RHBDL3: variants seen among roughly 807,000 people sequenced by gnomAD.
The protein encoded by RHBDL3 is rhomboid like 3, also known as rhomboid-related protein 3.
A neutral mutation model predicts 48.2 loss-of-function variants in RHBDL3; 28 were observed. The ratio of observed to expected loss-of-function variants is 0.58; its 90% CI spans 0.43 to 0.80. The LOEUF (loss-of-function observed/expected upper bound fraction) is 0.80, where lower values mean the gene tolerates loss of function less well. Ranked by LOEUF, RHBDL3 falls within the 30% of genes least tolerant of loss-of-function variation. The probability of loss-of-function intolerance (pLI) is 0.00; values close to 1 mark genes in which losing one functional copy is unlikely to be tolerated. For synonymous variants in RHBDL3, 208 were observed against 232.3 expected (o/e 0.90, Z 0.95); for missense variants, 464 against 542.7 (o/e 0.85, Z 1.44).
intron 8 of RHBDL3, 143 bp from the exon 9 acceptor site, chr17:32,320,815 G>T (rs2041110200): frequency 1.6e-6 from 1 of 626,708 alleles, no homozygotes; most frequent in African/African-American, 1.8e-5. Flanking sequence ...AGATTTGCCT[G>T]CCTCCTTCAC....
At chr17:32,309,715 G>A (rs2040794973) in intron 7 of RHBDL3, among the ~76,000 whole-genome samples, 1 of 150,594 alleles carries the variant, frequency 6.6e-6, no homozygotes, top group Non-Finnish European at 1.5e-5. Context: ...TGAAAAAATG[G>A]ACAAAATATT....
chr17:32,297,991 G>A, intron 5 of RHBDL3, 101 bp from the exon 6 acceptor site: 1 of 846,862 alleles, frequency 1.2e-6, no homozygotes, highest in South Asian at 1.5e-5. Flanking sequence ...CTTGTTCATT[G>A]CTGGATCCCT....
intron 2 of RHBDL3, among the ~76,000 whole-genome samples, chr17:32,277,765 T>A (rs2039949306): frequency 6.6e-6 from 1 of 152,246 alleles, no homozygotes; most frequent in South Asian, 2.1e-4. Context: ...TCATACCTTG[T>A]TCCCAAAGAG....
intron 7 of RHBDL3, among the ~76,000 whole-genome samples, chr17:32,313,640 C>T (rs757162929): frequency 6.6e-6 from 1 of 151,438 alleles, no homozygotes; most frequent in Non-Finnish European, 1.5e-5. Context: ...TTACTCTATA[C>T]TTCATCTAAG....
At chr17:32,273,141 C>G (rs1310979473) in intron 2 of RHBDL3, among the ~76,000 whole-genome samples, 4 of 152,226 alleles carry the variant, frequency 2.6e-5, no homozygotes, top group Admixed American at 6.5e-5. Flanking sequence ...GCTGGGATTA[C>G]AGGTGCCTGT....
chr17:32,287,274 C>T (rs558026049), intron 3 of RHBDL3, among the ~76,000 whole-genome samples: 175 of 152,246 alleles, frequency 1.1e-3, no homozygotes, highest in African/African-American at 4.1e-3. Context: ...TGTGCAGGTG[C>T]ATCCTCAGGG....
chr17:32,300,315 AG>A, intron 6 of RHBDL3, among the ~76,000 whole-genome samples: 1 of 152,316 alleles, frequency 6.6e-6, no homozygotes, highest in East Asian at 1.9e-4. Context: ...TGGGAGGTCA[AG>A]GCAGGAAGAT....
rs2041161867 is a variant in RHBDL3 at position 32,322,541 on chromosome 17, A to C, written c.*1312A>C. 1 of 152,314 alleles carries C rather than the reference A, an allele frequency of 6.6e-6. No homozygotes were observed. The highest frequency in any genetic ancestry group is 6.5e-5 in the Admixed American group (1 of 15,280). The allele number at this position is 152,314 out of a possible 1,614,324, so 9.4% of individuals were successfully genotyped here. The stretch of plus-strand genomic sequence containing the variant: ...AGGCTGGGGTAGGAATGTTGAGGCC[A>C]TGTGTCCATTTAAGTTAGGGGGACA... On this transcript the variant is annotated 3_prime_UTR_variant, in exon 9 of 9. Transcript: ENST00000269051.
intron 3 of RHBDL3, among the ~76,000 whole-genome samples, chr17:32,285,171 AAGAGGAGGGGAGGGGAGAGAGAGG>A (rs1385054778): frequency 2.0e-5 from 3 of 151,584 alleles, no homozygotes; most frequent in African/African-American, 4.8e-5. Context: ...GGGGAGAGAG[AAGAGGAGGGGAGGGGAGAGAGAGG>A]AGAGAGAAAC....
In RHBDL3 at chr17:32,267,924, A is replaced by G. The variant is rs1382437448; in HGVS notation, c.134A>G (p.Gln45Arg). 2 of 1,609,212 alleles carry G rather than the reference A, an allele frequency of 1.2e-6. No homozygotes were observed. The highest frequency in any genetic ancestry group is 1.7e-6 in the Non-Finnish European group (2 of 1,175,792). The change falls in exon 2 of 9, where the codon CAG becomes CGG. Residue 45 changes from glutamine (Q) to arginine (R), a missense_variant and splice_region_variant. Coordinates refer to ENST00000269051, the MANE Select transcript of RHBDL3 (RefSeq NM_138328.3). ...PEDHWKVLFD[Q>R]FDPGNTGYIS... ...CAGCACTGGAAAGTCCTGTTTGATC[A>G]GGTATGTGAGCAGTTAACCCCCCAT...
intron 6 of RHBDL3, among the ~76,000 whole-genome samples, chr17:32,301,405 CAA>C (rs796579866): frequency 8.2e-6 from 1 of 121,528 alleles, no homozygotes; most frequent in Non-Finnish European, 1.8e-5. Flanking sequence ...CCATCTCTAC[CAA>C]AAAAAAAAAA....
At chr17:32,281,575 G>A (rs1348211080) in intron 2 of RHBDL3, among the ~76,000 whole-genome samples, 9 of 152,134 alleles carry the variant, frequency 5.9e-5, no homozygotes, top group Non-Finnish European at 1.3e-4. Flanking sequence ...GAACAGGAGG[G>A]CCAGGCTAGT....
chr17:32,293,180 G>T (rs983904491), intron 4 of RHBDL3, among the ~76,000 whole-genome samples: 2 of 151,704 alleles, frequency 1.3e-5, no homozygotes, highest in Non-Finnish European at 2.9e-5. Flanking sequence ...GGGAGGGGGT[G>T]GGGCGTCATT....
intron 8 of RHBDL3, 28 bp downstream of exon 8, chr17:32,316,320 CA>C: frequency 6.4e-7 from 1 of 1,570,416 alleles, no homozygotes; most frequent in Non-Finnish European, 8.8e-7. Context: ...GCTGGGGAAC[CA>C]AAGCCTGGCA....
At chr17:32,310,790 A>G (rs2040829249) in intron 7 of RHBDL3, among the ~76,000 whole-genome samples, 1 of 151,944 alleles carries the variant, frequency 6.6e-6, no homozygotes, top group Admixed American at 6.6e-5. Flanking sequence ...ATGCTGAGGC[A>G]GGAGAATGGC....
intron 8 of RHBDL3, among the ~76,000 whole-genome samples, chr17:32,320,117 T>A (rs1312038936): frequency 2.6e-5 from 4 of 151,294 alleles, no homozygotes; most frequent in African/African-American, 9.7e-5. Flanking sequence ...AAAAAAAAAT[T>A]TTTTTTTTAA....
At chr17:32,307,116 T>C (rs541538877) in intron 7 of RHBDL3, among the ~76,000 whole-genome samples, 2 of 152,170 alleles carry the variant, frequency 1.3e-5, no homozygotes, top group Non-Finnish European at 2.9e-5. Flanking sequence ...ATCCTTTTTT[T>C]GGAGGCGGTC....
chr17:32,317,339 A>G lies in RHBDL3; in HGVS notation c.943+1047A>G, dbSNP rs114262305. Among the ~76,000 whole-genome samples the G allele has an allele frequency of 8.4e-3, 1,282 of 152,360 alleles. 17 individuals carry two copies. The highest frequency in any genetic ancestry group is 0.029 in the African/African-American group (1,217 of 41,596). On this transcript the variant is annotated intron_variant, in intron 8 of 8. Transcript: ENST00000269051. ...CAAGACCCTGTCGCCAGAAAAATAC[A>G]TATATGTGCACTCATGTGCATACAC...
At chr17:32,309,047 C>T (rs1197537032) in intron 7 of RHBDL3, among the ~76,000 whole-genome samples, 1 of 151,316 alleles carries the variant, frequency 6.6e-6, no homozygotes. Context: ...GCCTGGGTGA[C>T]AGAGAGAGAG....
Sources: allele counts gnomAD v4.1 joint callset (sites outside exome capture counted in the v4.1 genomes callset), GRCh38; gene constraint gnomAD v4.1.1; transcripts MANE v1.5; gene names NCBI Gene and HGNC (gene_info 2026-07-23, HGNC 2026-07-21).